The following DMD variants were observed in gnomAD, a reference collection of about 807,000 sequenced individuals.
DMD encodes dystrophin, also known as mutant dystrophin.
A neutral mutation model predicts 330.1 loss-of-function variants in DMD; 63 were observed. That is an observed-to-expected ratio of 0.19 (90% CI 0.16 to 0.24). The LOEUF is 0.24. DMD is among the 10% of genes least tolerant of loss of function. The probability of loss-of-function intolerance (pLI) is 1.00; values close to 1 mark genes in which losing one functional copy is unlikely to be tolerated. For synonymous variants in DMD, 1,223 were observed against 959.8 expected (o/e 1.27, Z -5.07); for missense variants, 3,344 against 2,684.1 (o/e 1.25, Z -5.43).
intron 44 of DMD, among the ~76,000 whole-genome samples, chrX:31,991,313 G>C (rs113209487): frequency 0.01 from 1,159 of 111,419 alleles, 18 homozygotes; most frequent in African/African-American, 0.035. Flanking sequence ...AAATGGAAAG[G>C]AAAGCAGGCA....
intron 43 of DMD, among the ~76,000 whole-genome samples, chrX:32,255,307 G>C (rs1263250768): frequency 1.8e-5 from 2 of 111,066 alleles, no homozygotes; most frequent in East Asian, 2.8e-4. Context: ...ACCCAGAAGT[G>C]GAATTATTGG....
intron 29 of DMD, among the ~76,000 whole-genome samples, chrX:32,417,821 T>TTA (rs1257102726): frequency 1.0e-5 from 1 of 98,683 alleles, no homozygotes; most frequent in Admixed American, 1.1e-4. Flanking sequence ...TGTATCTCTG[T>TTA]TACACACACA....
chrX:31,840,176 C>T (rs1021920577), intron 48 of DMD, among the ~76,000 whole-genome samples: 10 of 111,621 alleles, frequency 9.0e-5, no homozygotes, highest in African/African-American at 2.9e-4. Flanking sequence ...AGTATTTATA[C>T]ATTAAAACCT....
At chrX:32,616,305 G>A (rs2057559136) in intron 11 of DMD, among the ~76,000 whole-genome samples, 1 of 110,830 alleles carries the variant, frequency 9.0e-6, no homozygotes, top group African/African-American at 3.3e-5. Flanking sequence ...GTGGAGTGGG[G>A]AGTTACATTC....
chrX:33,137,599 T>C (rs2095534894), intron 1 of DMD, among the ~76,000 whole-genome samples: 1 of 112,230 alleles, frequency 8.9e-6, no homozygotes, highest in Non-Finnish European at 1.9e-5. Flanking sequence ...ATGAGCTCCT[T>C]CTTTTGCTGA....
chrX:33,041,856 T>C, intron 1 of DMD: 1 of 591,525 alleles, frequency 1.7e-6, no homozygotes, highest in Non-Finnish European at 2.6e-6. Flanking sequence ...TATATTTCTT[T>C]GTCTAATTTA....
At chrX:31,606,183 C>CCTT in intron 55 of DMD, among the ~76,000 whole-genome samples, 1 of 111,783 alleles carries the variant, frequency 8.9e-6, no homozygotes, top group South Asian at 3.8e-4. Context: ...TTCCCCTTCA[C>CCTT]CTTCTGCCAT....
intron 55 of DMD, among the ~76,000 whole-genome samples, chrX:31,538,760 T>C (rs1055373709): frequency 9.0e-6 from 1 of 111,443 alleles, no homozygotes; most frequent in South Asian, 3.8e-4. Context: ...TGTATTAAAT[T>C]AGACATACTA....
intron 1 of DMD, among the ~76,000 whole-genome samples, chrX:33,219,306 T>TTGTGTGTGTG (rs56332488): frequency 0.039 from 2,808 of 72,927 alleles, 109 homozygotes; most frequent in Non-Finnish European, 0.062. Context: ...TTAGAGATTA[T>TTGTGTGTGTG]TGTGTGTGTG....
chrX:31,688,519 C>G (rs1409802346), intron 52 of DMD, among the ~76,000 whole-genome samples: 1 of 111,735 alleles, frequency 8.9e-6, no homozygotes, highest in Non-Finnish European at 1.9e-5. Context: ...GACGGATTCA[C>G]AGCCGAATTC....
At position 32,692,033 on chromosome X, in the gene DMD, C is replaced by A. The variant is rs184235448; in HGVS notation, c.960+5837G>T. On this transcript the variant is annotated intron_variant, in intron 9 of 78. Coordinates refer to ENST00000357033, the MANE Select transcript of DMD (RefSeq NM_004006.3). Reference sequence around the variant, plus strand: ...GAGGAAGTGGGAAGCTGCTAATTAACGAAGGTTCAGCTATGAAAGATGAGA... The same window carrying A: ...GAGGAAGTGGGAAGCTGCTAATTAAAGAAGGTTCAGCTATGAAAGATGAGA... Among the ~76,000 whole-genome samples, 3 of 111,196 alleles carry A rather than the reference C, an allele frequency of 2.7e-5. No homozygotes were observed. The Admixed American group carries it at 2.9e-4, about 11-fold the overall frequency.
intron 44 of DMD, among the ~76,000 whole-genome samples, chrX:32,110,362 T>C (rs1213118975): frequency 2.7e-5 from 3 of 111,777 alleles, no homozygotes; most frequent in African/African-American, 9.7e-5. Context: ...AATCAACTAG[T>C]TTCCACAGTA....
chrX:32,912,269 C>T (rs2087337862), intron 2 of DMD, among the ~76,000 whole-genome samples: 1 of 110,990 alleles, frequency 9.0e-6, no homozygotes, highest in Admixed American at 9.6e-5. Context: ...AAGAGAAGCA[C>T]TCTTGTGTCT....
intron 7 of DMD, among the ~76,000 whole-genome samples, chrX:32,756,832 A>G (rs1236648522): frequency 9.0e-6 from 1 of 111,586 alleles, no homozygotes; most frequent in Non-Finnish European, 1.9e-5. Context: ...TCCCAACTTT[A>G]CAGTTAGAAT....
intron 60 of DMD, among the ~76,000 whole-genome samples, chrX:31,362,771 C>T (rs750384275): frequency 7.1e-5 from 8 of 112,395 alleles, no homozygotes; most frequent in Non-Finnish European, 1.1e-4. Context: ...GGTGAAACCC[C>T]GTCTCTAGTA....
rs759470492 is a variant in DMD, at chrX:31,222,091, G to C, written c.9361+956C>G. ...GGTGCCTGTAGTCCCAGCTACTCCG[G>C]AGGCTGAGCCAGGAGAATGGCGTGA... On this transcript the variant is annotated intron_variant, in intron 64 of 78. Transcript: ENST00000357033. Among the ~76,000 whole-genome samples the C allele has an allele frequency of 1.2e-4, 13 of 111,169 alleles. No individual in the cohort carries two copies. In the East Asian group the frequency reaches 2.8e-3, roughly 24 times the overall value.
At chrX:33,284,217 C>T (rs1381034323) in intron 1 of DMD, among the ~76,000 whole-genome samples, 2 of 110,670 alleles carry the variant, frequency 1.8e-5, no homozygotes, top group Admixed American at 9.7e-5. Flanking sequence ...TAGCACACTG[C>T]GTAAGCCTTT....
intron 28 of DMD, among the ~76,000 whole-genome samples, chrX:32,438,983 A>C (rs967584769): frequency 2.7e-5 from 3 of 111,261 alleles, no homozygotes; most frequent in African/African-American, 9.8e-5. Flanking sequence ...TTGTGAGCTT[A>C]AACCGTTGTC....
chrX:32,858,509 T>C (rs902069247), intron 2 of DMD, among the ~76,000 whole-genome samples: 1 of 111,092 alleles, frequency 9.0e-6, no homozygotes, highest in Non-Finnish European at 1.9e-5. Context: ...TTTGTATTTT[T>C]AGTAGAGACG....
Sources: allele counts gnomAD v4.1 joint callset (sites outside exome capture counted in the v4.1 genomes callset), GRCh38; gene constraint gnomAD v4.1.1; transcripts MANE v1.5; gene names NCBI Gene and HGNC (gene_info 2026-07-23, HGNC 2026-07-21).